PTPRK: variants seen among roughly 807,000 people sequenced by gnomAD.
PTPRK encodes the protein protein tyrosine phosphatase receptor type K.
In PTPRK, 75 loss-of-function variants were observed where a neutral mutation model predicts 178.0. That is an observed-to-expected ratio of 0.42 (90% confidence interval 0.35 to 0.51). PTPRK has a LOEUF of 0.51. PTPRK is among the 20% of genes least tolerant of loss of function. PTPRK has a pLI of 0.02. For missense variants in PTPRK, 1,441 were observed against 1,797.8 expected, an observed-to-expected ratio of 0.80 and a Z score of 3.59; for synonymous variants, 637 against 620.6, an observed-to-expected ratio of 1.03 and a Z score of -0.39.
At chr6:128,008,330 A>G (rs1778661780) in intron 14 of PTPRK, among the ~76,000 whole-genome samples, 1 of 62,142 alleles carries the variant, frequency 1.6e-5, no homozygotes, top group Non-Finnish European at 5.1e-5. Flanking sequence ...TTTTGCTTAT[A>G]AATATTTTTT....
At chr6:128,332,839 T>C (rs973954174) in intron 2 of PTPRK, among the ~76,000 whole-genome samples, 1 of 152,176 alleles carries the variant, frequency 6.6e-6, no homozygotes, top group Non-Finnish European at 1.5e-5. Context: ...ATTTAAAGTA[T>C]TGTTGCCTCA....
chr6:128,358,001 T>C (rs1442622598), intron 2 of PTPRK, among the ~76,000 whole-genome samples: 1 of 152,192 alleles, frequency 6.6e-6, no homozygotes, highest in Non-Finnish European at 1.5e-5. Flanking sequence ...CTACCCAGGA[T>C]AGGCCCACTC....
At chr6:128,090,113 T>C (rs1004174652) in intron 7 of PTPRK, 121 bp from the exon 8 acceptor site, 4 of 798,830 alleles carry the variant, frequency 5.0e-6, no homozygotes, top group Non-Finnish European at 7.8e-6. Context: ...TCATGTTTTA[T>C]TTTCCTTTGC....
At chr6:128,007,203 C>T (rs532737858) in intron 14 of PTPRK, among the ~76,000 whole-genome samples, 39 of 150,796 alleles carry the variant, frequency 2.6e-4, no homozygotes, top group Non-Finnish European at 4.2e-4. Flanking sequence ...ATGTGTGACA[C>T]GCTACATATG....
At chr6:128,218,289 A>G (rs1809714642) in intron 6 of PTPRK, among the ~76,000 whole-genome samples, 1 of 152,060 alleles carries the variant, frequency 6.6e-6, no homozygotes, top group South Asian at 2.1e-4. Flanking sequence ...TATAAGAGGG[A>G]CTCTATACAT....
chr6:128,255,531 G>A (rs1185690796), intron 3 of PTPRK, among the ~76,000 whole-genome samples: 1 of 152,220 alleles, frequency 6.6e-6, no homozygotes, highest in Non-Finnish European at 1.5e-5. Flanking sequence ...GATTTTAGAT[G>A]TTGTCTATGA....
rs1790014802 is a variant in PTPRK at position 128,108,069 on chromosome 6, A to ACACAC, written c.1163-18078_1163-18077insGTGTG. ...AACAAACCAAATCCCTAAATAGCAA[A>ACACAC]ACACACACACACACACACACACACA... On this transcript the variant is annotated intron_variant, in intron 7 of 29. Transcript: ENST00000368226. Among the ~76,000 whole-genome samples the ACACAC allele has an allele frequency of 6.7e-5, 9 of 133,860 alleles. No homozygotes were observed. The East Asian group carries it at 1.8e-3, about 26-fold the overall frequency. 87.8% of individuals were successfully genotyped at this position (133,860 alleles called of 152,430 possible).
chr6:128,095,909 A>T (rs1787836888), intron 7 of PTPRK, among the ~76,000 whole-genome samples: 1 of 152,204 alleles, frequency 6.6e-6, no homozygotes, highest in Non-Finnish European at 1.5e-5. Flanking sequence ...TTAAAAATAC[A>T]TATATTCAAT....
intron 1 of PTPRK, among the ~76,000 whole-genome samples, chr6:128,425,250 T>C (rs753585946): frequency 4.6e-5 from 7 of 152,076 alleles, no homozygotes; most frequent in Non-Finnish European, 7.4e-5. Flanking sequence ...GCTAATTATT[T>C]GTATTTTTAG....
chr6:128,032,077 T>C (rs1250393572), intron 13 of PTPRK, among the ~76,000 whole-genome samples: 1 of 152,210 alleles, frequency 6.6e-6, no homozygotes, highest in Non-Finnish European at 1.5e-5. Flanking sequence ...TGGTTTGCTG[T>C]GTCTGCTCTG....
chr6:128,293,269 G>A (rs759044349), intron 3 of PTPRK, among the ~76,000 whole-genome samples: 9 of 151,934 alleles, frequency 5.9e-5, no homozygotes, highest in Non-Finnish European at 1.2e-4. Context: ...CCAAAATCAA[G>A]GCACTAGCAG....
intron 5 of PTPRK, among the ~76,000 whole-genome samples, chr6:128,228,715 A>C (rs1811822034): frequency 6.6e-6 from 1 of 151,758 alleles, no homozygotes; most frequent in African/African-American, 2.4e-5. Context: ...TAAAATAAAA[A>C]AAAAGTTTAT....
At chr6:128,338,215 G>C (rs1831198898) in intron 2 of PTPRK, among the ~76,000 whole-genome samples, 2 of 152,136 alleles carry the variant, frequency 1.3e-5, no homozygotes, top group South Asian at 4.1e-4. Flanking sequence ...AGACCAGGAA[G>C]ATAGTAGCTG....
intron 3 of PTPRK, among the ~76,000 whole-genome samples, chr6:128,297,946 T>C (rs1824790602): frequency 6.6e-6 from 1 of 152,100 alleles, no homozygotes; most frequent in Admixed American, 6.6e-5. Context: ...AGCTGGTTTT[T>C]TGAAAGGATC....
chr6:128,251,275 T>C (rs547147765), intron 3 of PTPRK, among the ~76,000 whole-genome samples: 13 of 152,338 alleles, frequency 8.5e-5, no homozygotes, highest in Middle Eastern at 3.4e-3. Flanking sequence ...TTGTAAACTC[T>C]TTGATTTTCG....
At chr6:127,971,465 T>C (rs1773890068) in intron 29 of PTPRK, among the ~76,000 whole-genome samples, 1 of 152,190 alleles carries the variant, frequency 6.6e-6, no homozygotes, top group Non-Finnish European at 1.5e-5. Context: ...CACCTACCAC[T>C]GTGGCGAGTG....
chr6:128,240,525 T>C (rs892588556), intron 4 of PTPRK, among the ~76,000 whole-genome samples: 1 of 152,192 alleles, frequency 6.6e-6, no homozygotes, highest in East Asian at 1.9e-4. Context: ...AATCAGAACC[T>C]AATATAAAGA....
At chr6:128,394,946 T>G (rs1840089260) in intron 2 of PTPRK, among the ~76,000 whole-genome samples, 1 of 152,212 alleles carries the variant, frequency 6.6e-6, no homozygotes, top group Non-Finnish European at 1.5e-5. Flanking sequence ...AATAACAAGT[T>G]AGGTTTGGAG....
At chr6:128,264,122 TG>T (rs1261674982) in intron 3 of PTPRK, among the ~76,000 whole-genome samples, 2 of 152,234 alleles carry the variant, frequency 1.3e-5, no homozygotes, top group Admixed American at 6.5e-5. Flanking sequence ...CAGAGGAAGA[TG>T]GGGGGTCCTC....
Sources: allele counts gnomAD v4.1 joint callset (sites outside exome capture counted in the v4.1 genomes callset), GRCh38; gene constraint gnomAD v4.1.1; transcripts MANE v1.5; gene names NCBI Gene and HGNC (gene_info 2026-07-23, HGNC 2026-07-21).